RPTOR: variants seen among roughly 807,000 people sequenced by gnomAD.
RPTOR encodes regulatory-associated protein of mTOR.
Under a neutral mutation model 169.9 loss-of-function variants are expected in RPTOR, and 21 were observed. The observed-to-expected ratio is 0.12, with a 90% CI of 0.09 to 0.18. The LOEUF (loss-of-function observed/expected upper bound fraction) is 0.18. Among genes scored for constraint, RPTOR ranks in the 10% least tolerant of loss-of-function variants. RPTOR has a pLI of 1.00. For synonymous variants in RPTOR, 732 were observed against 753.2 expected (o/e 0.97, Z 0.46); for missense variants, 1,133 against 1,855.9 (o/e 0.61, Z 7.16).
At chr17:80,829,537 C>T (rs2067480392) in intron 9 of RPTOR, among the ~76,000 whole-genome samples, 1 of 152,268 alleles carries the variant, frequency 6.6e-6, no homozygotes, top group Admixed American at 6.5e-5. Context: ...TCCAACCAGA[C>T]AGCGGCCTGT....
At chr17:80,598,612 G>C (rs1457814532) in intron 1 of RPTOR, among the ~76,000 whole-genome samples, 1 of 152,190 alleles carries the variant, frequency 6.6e-6, no homozygotes, top group Non-Finnish European at 1.5e-5. Flanking sequence ...TTTTGCGCAG[G>C]GTGGTTCTGC....
chr17:80,563,323 A>G (rs555129293), intron 1 of RPTOR, among the ~76,000 whole-genome samples: 2 of 151,986 alleles, frequency 1.3e-5, no homozygotes, highest in South Asian at 4.2e-4. Context: ...TCACGAGGTC[A>G]GGAGTTCGAG....
intron 1 of RPTOR, among the ~76,000 whole-genome samples, chr17:80,618,480 G>T (rs558134604): frequency 1.3e-5 from 2 of 152,200 alleles, no homozygotes; most frequent in African/African-American, 4.8e-5. Flanking sequence ...TGCAGTTTGC[G>T]TGGTGCAGGA....
At chr17:80,756,062 A>G (rs901247662) in intron 6 of RPTOR, among the ~76,000 whole-genome samples, 7 of 152,230 alleles carry the variant, frequency 4.6e-5, no homozygotes, top group African/African-American at 1.7e-4. Flanking sequence ...TACAGTTTTA[A>G]TGCCTTCCCC....
intron 3 of RPTOR, among the ~76,000 whole-genome samples, chr17:80,679,127 C>T (rs2065880300): frequency 6.6e-6 from 1 of 152,228 alleles, no homozygotes; most frequent in African/African-American, 2.4e-5. Flanking sequence ...CCTGTAATCC[C>T]AGCTACTCGG....
At chr17:80,696,566 G>C (rs896790498) in intron 3 of RPTOR, among the ~76,000 whole-genome samples, 3 of 152,230 alleles carry the variant, frequency 2.0e-5, no homozygotes, top group Non-Finnish European at 2.9e-5. Context: ...ACTGGGACCT[G>C]AGAGGCCTCT....
chr17:80,919,204 G>A lies in RPTOR; in HGVS notation c.2521-3520G>A, dbSNP rs117793181. ...ACTTACTTTTCCAAAAGAAGAGTTC[G>A]TAGGATTTATCTAGGAAACGCAGTT... is the stretch of plus-strand genomic sequence containing the variant. On this transcript the variant is annotated intron_variant, in intron 21 of 33. Transcript: ENST00000306801. Among the ~76,000 whole-genome samples, 637 of 152,328 alleles carry A rather than the reference G, an allele frequency of 4.2e-3. 2 individuals carry two copies. The highest frequency in any genetic ancestry group is 6.8e-3 in the Middle Eastern group (2 of 294).
intron 6 of RPTOR, among the ~76,000 whole-genome samples, chr17:80,773,591 A>T (rs1365662238): frequency 6.6e-6 from 1 of 152,076 alleles, no homozygotes; most frequent in Non-Finnish European, 1.5e-5. Flanking sequence ...TACACCGAGG[A>T]CTTGGTTGGA....
chr17:80,714,485 T>C (rs756256042), intron 4 of RPTOR, among the ~76,000 whole-genome samples: 33 of 152,170 alleles, frequency 2.2e-4, no homozygotes, highest in Admixed American at 3.9e-4. Context: ...TCATAGAGTA[T>C]ATTCTCTGTT....
intron 24 of RPTOR, among the ~76,000 whole-genome samples, chr17:80,929,694 A>G (rs907444767): frequency 6.6e-6 from 1 of 152,144 alleles, no homozygotes; most frequent in Non-Finnish European, 1.5e-5. Flanking sequence ...CTGGGGTTTC[A>G]GTGCACCATT....
chr17:80,681,772 G>A (rs961369158), intron 3 of RPTOR, among the ~76,000 whole-genome samples: 2 of 115,518 alleles, frequency 1.7e-5, no homozygotes, highest in African/African-American at 3.9e-5. Flanking sequence ...TGAGGTGTAC[G>A]TCTCTTACAC....
At chr17:80,557,538 A>AAATC (rs71163965) in intron 1 of RPTOR, among the ~76,000 whole-genome samples, 93,816 of 151,668 alleles carry the variant, frequency 0.62, 29,774 homozygotes, top group Middle Eastern at 0.71. Flanking sequence ...ATAACTCAAT[A>AAATC]AATCAATAAA....
chr17:80,963,265 C>T (rs1394114175), intron 33 of RPTOR, among the ~76,000 whole-genome samples: 2 of 152,044 alleles, frequency 1.3e-5, no homozygotes, highest in East Asian at 1.9e-4. Flanking sequence ...GCCCCAGTCC[C>T]GTCACTCCGG....
chr17:80,799,714 C>A (rs1042194985), intron 7 of RPTOR, among the ~76,000 whole-genome samples: 4 of 149,526 alleles, frequency 2.7e-5, no homozygotes, highest in Non-Finnish European at 5.9e-5. Context: ...GCACACCCCT[C>A]CCCTCCCTGG....
At chr17:80,671,990 G>A (rs1206441862) in intron 3 of RPTOR, among the ~76,000 whole-genome samples, 1 of 152,156 alleles carries the variant, frequency 6.6e-6, no homozygotes, top group African/African-American at 2.4e-5. Flanking sequence ...ATTGTACATT[G>A]AATCTATTGC....
intron 1 of RPTOR, chr17:80,602,805 C>T (rs1450256366): frequency 1.6e-5 from 11 of 685,030 alleles, no homozygotes; most frequent in African/African-American, 3.5e-5. Context: ...CCAAGGGGCA[C>T]GCTTCATGAA....
intron 26 of RPTOR, among the ~76,000 whole-genome samples, chr17:80,946,307 T>A (rs2069103474): frequency 6.6e-6 from 1 of 152,232 alleles, no homozygotes; most frequent in African/African-American, 2.4e-5. Flanking sequence ...TTCTTTTTCC[T>A]CTTTTTAAAA....
intron 2 of RPTOR, among the ~76,000 whole-genome samples, chr17:80,629,751 A>G (rs556064380): frequency 1.4e-5 from 2 of 143,346 alleles, no homozygotes; most frequent in African/African-American, 2.7e-5. Flanking sequence ...TCAGCTGTCT[A>G]TGTATTGTGT....
In RPTOR at chr17:80,746,261, CGGGTGAT is replaced by C; in HGVS notation, c.655-7748_655-7742del. On this transcript the variant is annotated intron_variant, in intron 5 of 33. Transcript: ENST00000306801. This position sits in a 1 kb window ranked among gnomAD's most constrained non-coding sequence, Gnocchi z 4.5. ...ACCGCCCCCACAGCGGTGCTTTCTG[CGGGTGAT>C]CCCCACCGCCCCCACAGCGGTGCTT... Among the ~76,000 whole-genome samples the C allele has an allele frequency of 7.3e-6, 1 of 137,914 alleles. No homozygotes were observed. The highest frequency in any genetic ancestry group is 2.4e-4 in the South Asian group (1 of 4,176). The allele number at this position is 137,914 out of a possible 152,430, so 90.5% of individuals were successfully genotyped here. A position where few individuals can be genotyped will look rare whatever the true frequency, so the allele number is the denominator to read the frequency against.
Sources: gnomAD v4.1 joint callset for allele counts (sites outside exome capture counted in the v4.1 genomes callset) on GRCh38, gnomAD v4.1.1 for gene constraint, Gnocchi (gnomAD v3.1) non-coding constraint, MANE v1.5 for transcripts, NCBI Gene and HGNC (gene_info 2026-07-23, HGNC 2026-07-21) for gene names.